The following AK9 variants were observed in gnomAD, a reference collection of about 807,000 sequenced individuals.
The protein encoded by AK9 is adenylate kinase domain containing 1.
A neutral mutation model predicts 239.6 loss-of-function variants in AK9; 191 were observed. The observed-to-expected ratio is 0.80, with a 90% CI of 0.71 to 0.90. The LOEUF (loss-of-function observed/expected upper bound fraction) is 0.90, where lower values mean the gene tolerates loss of function less well. Among genes scored for constraint, AK9 ranks in the 40% least tolerant of loss-of-function variants. The pLI, the probability that AK9 is intolerant of heterozygous loss-of-function variation, is 0.00. For missense variants in AK9, 1,995 were observed against 2,214.7 expected, an observed-to-expected ratio of 0.90 and a Z score of 1.99; for synonymous variants, 689 against 721.0, an observed-to-expected ratio of 0.96 and a Z score of 0.71.
At chr6:109,597,337 T>A (rs1180219452) in intron 17 of AK9, among the ~76,000 whole-genome samples, 1 of 152,238 alleles carries the variant, frequency 6.6e-6, no homozygotes, top group East Asian at 1.9e-4. Context: ...TGTATCTCAT[T>A]GTTTTAATTT....
chr6:109,659,823 T>C (rs1583470949), intron 6 of AK9, among the ~76,000 whole-genome samples: 1 of 152,212 alleles, frequency 6.6e-6, no homozygotes, highest in East Asian at 1.9e-4. Flanking sequence ...ATATATTGTT[T>C]ATTTGTAATA....
chr6:109,614,336 T>TTATATTA, intron 14 of AK9, 40 bp from the exon 15 acceptor site: 1 of 1,546,464 alleles, frequency 6.5e-7, no homozygotes, highest in Non-Finnish European at 8.8e-7. Flanking sequence ...GCTAATCTAT[T>TTATATTA]TATATTAGGG....
chr6:109,610,217 T>C, intron 17 of AK9, 148 bp downstream of exon 17: 1 of 1,011,148 alleles, frequency 9.9e-7, no homozygotes. Flanking sequence ...ACTTCGCACT[T>C]AACAATGCTG....
At chr6:109,606,265 G>C (rs1262291670) in intron 17 of AK9, among the ~76,000 whole-genome samples, 1 of 149,726 alleles carries the variant, frequency 6.7e-6, no homozygotes. Context: ...TAGATAGATA[G>C]ATAGATAGAT....
intron 21 of AK9, among the ~76,000 whole-genome samples, chr6:109,569,490 G>C (rs1253462165): frequency 6.6e-6 from 1 of 152,074 alleles, no homozygotes; most frequent in Non-Finnish European, 1.5e-5. Context: ...GAGTGAACAG[G>C]CAACCTACAG....
At chr6:109,509,420 A>T in intron 32 of AK9, 40 bp from the exon 33 acceptor site, 1 of 1,508,648 alleles carries the variant, frequency 6.6e-7, no homozygotes, top group Non-Finnish European at 9.0e-7. Context: ...TAAATGATTT[A>T]GATTCAGGGG....
At chr6:109,578,150 G>C (rs766597813) in intron 20 of AK9, among the ~76,000 whole-genome samples, 13 of 151,952 alleles carry the variant, frequency 8.6e-5, no homozygotes, top group Non-Finnish European at 1.8e-4. Flanking sequence ...AGCCAGGCTG[G>C]TCTTGAACTC....
chr6:109,558,793 G>T lies in AK9; in HGVS notation c.2751+4804C>A, dbSNP rs182809467. Among the ~76,000 whole-genome samples the T allele has an allele frequency of 7.9e-5, 12 of 152,064 alleles. No homozygotes were observed. The East Asian group carries it at 2.3e-3, about 29-fold the overall frequency. On this transcript the variant is annotated intron_variant, in intron 24 of 40. Coordinates refer to ENST00000424296, the MANE Select transcript of AK9 (RefSeq NM_001145128.3). ...CTGGGTTTTTAATTTTGATTATATGGAATCTGTAGATAAATTTGGGGAGAA... is the reference window on the plus strand; with the variant it reads ...CTGGGTTTTTAATTTTGATTATATGTAATCTGTAGATAAATTTGGGGAGAA...
intron 27 of AK9, among the ~76,000 whole-genome samples, chr6:109,539,099 C>T (rs1248654645): frequency 9.9e-5 from 15 of 152,112 alleles, no homozygotes; most frequent in Non-Finnish European, 1.3e-4. Flanking sequence ...TTGCTCTTCT[C>T]GAGGAGTATC....
Position 109,644,649 on chromosome 6 carries a change from G to A in AK9, c.799C>T (p.Leu267=). ...TCCTCTGCTGGTTTATTTCCATTTA[G>A]CTCAATGAGATACTGGGGATTGTGT... The part of the protein sequence containing the change: ...AEHNPQYLIE[L]NGNKPAEELF... The change falls in exon 9 of 41, where the codon CTA becomes TTA. Residue 267 remains leucine (L), a synonymous_variant. Transcript: ENST00000424296. 6.2e-7 allele frequency: 1 copy of A among 1,612,726 alleles called. No individual in the cohort carries two copies. The highest frequency in any genetic ancestry group is 1.3e-5 in the African/African-American group (1 of 74,780).
chr6:109,540,613 C>T (rs1299210499), intron 27 of AK9, among the ~76,000 whole-genome samples: 2 of 152,198 alleles, frequency 1.3e-5, no homozygotes, highest in Admixed American at 6.5e-5. Context: ...CACTGTCCTG[C>T]ACCCACTGTC....
chr6:109,546,309 T>C (rs1224460313), intron 25 of AK9, among the ~76,000 whole-genome samples, 182 bp from the exon 26 acceptor site: 1 of 152,210 alleles, frequency 6.6e-6, no homozygotes, highest in African/African-American at 2.4e-5. Flanking sequence ...ATTAGTTCCA[T>C]CAACACTGGT....
chr6:109,533,565 T>C (rs1368609485), intron 27 of AK9, 95 bp from the exon 28 acceptor site: 1 of 1,016,014 alleles, frequency 9.8e-7, no homozygotes, highest in African/African-American at 1.6e-5. Flanking sequence ...ACAAGGTATA[T>C]TAAGTCATCA....
At chr6:109,505,875 C>T (rs1478158265) in intron 35 of AK9, among the ~76,000 whole-genome samples, 1 of 152,080 alleles carries the variant, frequency 6.6e-6, no homozygotes, top group Non-Finnish European at 1.5e-5. Context: ...ATTTATTGCT[C>T]ACAGTTTTGG....
chr6:109,614,375 A>G lies in AK9; in HGVS notation c.1495+10T>C, dbSNP rs9372219. ...ATTTGGTCAATAACATCAGCAATAT[A>G]TTTCTTTACCTTCTTCATCAATTGA... On this transcript the variant is annotated intron_variant, in intron 14 of 40. Transcript: ENST00000424296. The G allele has an allele frequency of 6.3e-3, 9,769 of 1,550,474 alleles. 303 individuals carry two copies. The East Asian group carries it at 0.097, about 15-fold the overall frequency.
chr6:109,518,051 T>G (rs1000294825), intron 29 of AK9, among the ~76,000 whole-genome samples: 17 of 152,130 alleles, frequency 1.1e-4, no homozygotes, highest in Non-Finnish European at 4.4e-5. Context: ...CCCTCTCCAC[T>G]GTCTGCCTTC....
intron 17 of AK9, among the ~76,000 whole-genome samples, chr6:109,596,208 A>G (rs1791011881): frequency 6.6e-6 from 1 of 152,186 alleles, no homozygotes; most frequent in Non-Finnish European, 1.5e-5. Context: ...GGTGGAAGGC[A>G]GAGTGGTCTC....
Position 109,516,463 on chromosome 6 carries a change from A to C in AK9, c.3813T>G (p.Phe1271Leu), listed in dbSNP as rs756917093. Residue 1271 changes from phenylalanine to leucine, a missense_variant, in exon 30 of 41, where the codon TTT (phenylalanine) becomes TTG (leucine). Phe to Leu is a conservative substitution (Grantham distance 22). This residue lies in a region of AK9 where 1,290 missense variants were observed against 1,392.7 expected (regional missense o/e 0.93). Coordinates refer to ENST00000424296, the MANE Select transcript of AK9 (RefSeq NM_001145128.3). ...ERLRGELGEK[F>L]EADTHNLQII... ...TTTGTAAATTATGTGTATCTGCTTC[A>C]AATTTTTCTCCTAGTTCACCTCTCA... is the stretch of plus-strand genomic sequence containing the variant. 3.3e-5 allele frequency: 51 copies of C among 1,551,516 alleles called. No individual in the cohort carries two copies. The South Asian group carries it at 5.8e-4, about 18-fold the overall frequency.
At chr6:109,671,252 C>CT (rs1387831009) in intron 5 of AK9, among the ~76,000 whole-genome samples, 1 of 152,120 alleles carries the variant, frequency 6.6e-6, no homozygotes, top group Non-Finnish European at 1.5e-5. Flanking sequence ...CTTAATTTTT[C>CT]TTTTTTCATT....
Sources: allele counts gnomAD v4.1 joint callset (sites outside exome capture counted in the v4.1 genomes callset), GRCh38; gene constraint gnomAD v4.1.1; regional missense constraint gnomAD v4.1.1; transcripts MANE v1.5; gene names NCBI Gene and HGNC (gene_info 2026-07-23, HGNC 2026-07-21).